Variants in KAZN observed in about 807,000 individuals in gnomAD.
KAZN encodes kazrin, periplakin interacting protein.
Under a neutral mutation model 87.4 loss-of-function variants are expected in KAZN, and 40 were observed. The ratio of observed to expected loss-of-function variants is 0.46; its 90% CI spans 0.36 to 0.60. KAZN has a LOEUF of 0.60. Among genes scored for constraint, KAZN ranks in the 20% least tolerant of loss-of-function variants. The pLI is 0.00. For synonymous variants in KAZN, 466 were observed against 458.3 expected, an observed-to-expected ratio of 1.02 and a Z score of -0.22; for missense variants, 898 against 1,073.9, an observed-to-expected ratio of 0.84 and a Z score of 2.29.
At chr1:14,189,374 C>T (rs892054970) in intron 2 of KAZN, among the ~76,000 whole-genome samples, 4 of 152,148 alleles carry the variant, frequency 2.6e-5, no homozygotes, top group South Asian at 2.1e-4. Context: ...ACAATTGATA[C>T]TGAGAATCAT....
At chr1:14,479,898 T>A (rs969596561) in intron 2 of KAZN, among the ~76,000 whole-genome samples, 1 of 152,176 alleles carries the variant, frequency 6.6e-6, no homozygotes, top group Middle Eastern at 3.2e-3. Flanking sequence ...GTGTGGAGCA[T>A]CTGTTCAAGA....
At chr1:14,035,398 T>A (rs1228617809) in intron 1 of KAZN, among the ~76,000 whole-genome samples, 1 of 151,866 alleles carries the variant, frequency 6.6e-6, no homozygotes, top group East Asian at 1.9e-4. Flanking sequence ...TAGCTAAAGA[T>A]GAATCACCTG....
At chr1:14,902,371 ACCC>A (rs1656026174) in intron 1 of KAZN, among the ~76,000 whole-genome samples, 1 of 151,796 alleles carries the variant, frequency 6.6e-6, no homozygotes, top group Non-Finnish European at 1.5e-5. Context: ...GACTATAGGC[ACCC>A]GCCACCACAC....
chr1:14,042,212 A>C (rs563256171), intron 1 of KAZN, among the ~76,000 whole-genome samples: 2 of 151,388 alleles, frequency 1.3e-5, no homozygotes, highest in African/African-American at 4.9e-5. Flanking sequence ...AAATTTCCTC[A>C]GCATAAATTT....
chr1:14,531,308 C>A (rs1672196543), intron 2 of KAZN, among the ~76,000 whole-genome samples: 2 of 152,174 alleles, frequency 1.3e-5, no homozygotes, highest in South Asian at 2.1e-4. Context: ...TCATAGAATG[C>A]CCTCTCCCAT....
At chr1:14,592,810 T>G (rs1258045768) in intron 2 of KAZN, among the ~76,000 whole-genome samples, 1 of 152,224 alleles carries the variant, frequency 6.6e-6, no homozygotes, top group African/African-American at 2.4e-5. Flanking sequence ...CCTTTCAGCC[T>G]TCCCCCTTTC....
At chr1:14,000,687 G>C (rs1639745147) in intron 1 of KAZN, among the ~76,000 whole-genome samples, 1 of 152,196 alleles carries the variant, frequency 6.6e-6, no homozygotes, top group Non-Finnish European at 1.5e-5. Flanking sequence ...ACATAGTATT[G>C]GAAGTTCTGG....
intron 1 of KAZN, among the ~76,000 whole-genome samples, chr1:14,647,657 GA>G (rs1391703278): frequency 2.0e-5 from 3 of 152,148 alleles, no homozygotes; most frequent in Non-Finnish European, 4.4e-5. Flanking sequence ...TACCGTGTGG[GA>G]ATCGGGGCCT....
intron 1 of KAZN, among the ~76,000 whole-genome samples, chr1:14,681,507 A>G (rs1315780727): frequency 6.7e-6 from 1 of 148,536 alleles, no homozygotes; most frequent in Non-Finnish European, 1.5e-5. Flanking sequence ...CCAAAACTCC[A>G]TTTTCAGCTT....
intron 1 of KAZN, among the ~76,000 whole-genome samples, chr1:14,102,912 C>CTTTTTTTTTTTTTTT (rs140592376): frequency 6.7e-6 from 1 of 149,424 alleles, no homozygotes; most frequent in Non-Finnish European, 1.5e-5. Flanking sequence ...ACTAATCTCT[C>CTTTTTTTTTTTTTTT]TCTTTTTTTT....
At chr1:14,442,700 T>G (rs1666769394) in intron 2 of KAZN, among the ~76,000 whole-genome samples, 1 of 152,262 alleles carries the variant, frequency 6.6e-6, no homozygotes, top group South Asian at 2.1e-4. Context: ...AGACCTGTCC[T>G]GAAATTTCCA....
intron 2 of KAZN, among the ~76,000 whole-genome samples, chr1:14,439,775 C>T (rs1048965077): frequency 1.1e-4 from 17 of 152,302 alleles, no homozygotes; most frequent in African/African-American, 3.8e-4. Flanking sequence ...AACGCTTTGA[C>T]CTTTTCTTTT....
intron 1 of KAZN, among the ~76,000 whole-genome samples, chr1:13,983,377 CA>C (rs1386191977): frequency 6.6e-6 from 1 of 152,244 alleles, no homozygotes; most frequent in Admixed American, 6.5e-5. Context: ...CTGGGGGACC[CA>C]GTACACTCTC....
intron 1 of KAZN, among the ~76,000 whole-genome samples, chr1:14,664,521 G>A (rs1454513650): frequency 6.6e-6 from 1 of 152,104 alleles, no homozygotes; most frequent in East Asian, 1.9e-4. Context: ...ACAATTTAGT[G>A]ATTCCTACCT....
At chr1:14,925,034 C>T (rs776496727) in intron 1 of KAZN, among the ~76,000 whole-genome samples, 16 of 152,224 alleles carry the variant, frequency 1.1e-4, no homozygotes, top group Non-Finnish European at 2.4e-4. Flanking sequence ...TTGCTAGGAG[C>T]GGAGAGATTG....
intron 2 of KAZN, among the ~76,000 whole-genome samples, chr1:14,483,324 C>T (rs1049107216): frequency 1.3e-5 from 2 of 152,106 alleles, no homozygotes; most frequent in African/African-American, 2.4e-5. Context: ...CTCACTTGTG[C>T]GTCAGAGGGG....
chr1:14,005,461 T>C (rs1441292450), intron 1 of KAZN, among the ~76,000 whole-genome samples: 1 of 152,134 alleles, frequency 6.6e-6, no homozygotes, highest in Non-Finnish European at 1.5e-5. Flanking sequence ...CTGGAGGTTA[T>C]TGGGCAGGGA....
intron 2 of KAZN, chr1:14,390,664 A>G (rs904772044): frequency 6.6e-6 from 1 of 152,466 alleles, no homozygotes; most frequent in African/African-American, 2.4e-5. Context: ...GTGATTTTTA[A>G]TAAACAAATT....
intron 1 of KAZN, among the ~76,000 whole-genome samples, chr1:14,688,469 G>T (rs1413097845): frequency 6.6e-6 from 1 of 152,180 alleles, no homozygotes; most frequent in Non-Finnish European, 1.5e-5. Flanking sequence ...TCTGCCCTGG[G>T]GTAGACATCA....
Sources: allele counts gnomAD v4.1 joint callset (sites outside exome capture counted in the v4.1 genomes callset), GRCh38; gene constraint gnomAD v4.1.1; transcripts MANE v1.5; gene names NCBI Gene and HGNC (gene_info 2026-07-23, HGNC 2026-07-21).